The following RBMS3 variants were observed in gnomAD, a reference collection of about 807,000 sequenced individuals.
RBMS3 encodes RNA-binding motif, single-stranded-interacting protein 3.
A neutral mutation model predicts 66.8 loss-of-function variants in RBMS3; 27 were observed. That is an observed-to-expected ratio of 0.40 (90% confidence interval 0.30 to 0.56). RBMS3 has a LOEUF of 0.56. Ranked by LOEUF, RBMS3 falls within the 20% of genes least tolerant of loss-of-function variation. RBMS3 has a pLI of 0.40. For synonymous variants in RBMS3, 188 were observed against 183.0 expected (o/e 1.03, Z -0.22); for missense variants, 513 against 549.5 (o/e 0.93, Z 0.66).
chr3:29,488,849 A>G (rs2043421640), intron 3 of RBMS3, among the ~76,000 whole-genome samples: 1 of 152,214 alleles, frequency 6.6e-6, no homozygotes, highest in Non-Finnish European at 1.5e-5. Flanking sequence ...AAACTTCCCC[A>G]TGCAAAACAC....
intron 1 of RBMS3, among the ~76,000 whole-genome samples, chr3:29,317,083 T>A (rs1160005242): frequency 6.6e-6 from 1 of 151,700 alleles, no homozygotes; most frequent in Non-Finnish European, 1.5e-5. Context: ...ATAAAAGGAG[T>A]GTAGTAAAAA....
intron 6 of RBMS3, among the ~76,000 whole-genome samples, chr3:29,840,354 A>G (rs867569792): frequency 6.6e-6 from 1 of 152,222 alleles, no homozygotes; most frequent in African/African-American, 2.4e-5. Flanking sequence ...ACAACATTTT[A>G]TTAAAAACAA....
intron 3 of RBMS3, among the ~76,000 whole-genome samples, chr3:29,569,706 TA>T (rs968906321): frequency 6.6e-6 from 1 of 151,826 alleles, no homozygotes; most frequent in African/African-American, 2.4e-5. Flanking sequence ...AGTCTTTTTT[TA>T]AAAAAAAGAT....
At position 29,956,202 on chromosome 3, in the gene RBMS3, G is replaced by A. The variant is rs567592386; in HGVS notation, c.1098+11948G>A. ...CACTAGTCACAGTTCTTTGTAAGAT[G>A]TGTTTAATGGTGAGTGCTTGCTTTC... On this transcript the variant is annotated intron_variant, in intron 12 of 14. Transcript: ENST00000383767. Among the ~76,000 whole-genome samples, 18 of 152,152 alleles carry A rather than the reference G, an allele frequency of 1.2e-4. No individual in the cohort carries two copies. The East Asian group carries it at 3.3e-3, about 28-fold the overall frequency.
intron 1 of RBMS3, among the ~76,000 whole-genome samples, chr3:29,300,714 T>C (rs2033615827): frequency 6.6e-6 from 1 of 151,886 alleles, no homozygotes; most frequent in Admixed American, 6.6e-5. Flanking sequence ...TGATTATCAC[T>C]GCAAAAATTA....
chr3:29,445,744 A>G (rs1219724238), intron 2 of RBMS3, among the ~76,000 whole-genome samples: 1 of 152,148 alleles, frequency 6.6e-6, no homozygotes, highest in African/African-American at 2.4e-5. Context: ...ACAGTTAAAA[A>G]TTATCCTTAA....
intron 4 of RBMS3, among the ~76,000 whole-genome samples, chr3:29,678,405 T>C (rs1365812993): frequency 6.6e-6 from 1 of 152,168 alleles, no homozygotes; most frequent in Admixed American, 6.6e-5. Context: ...AAACTGATGG[T>C]ATTTTTCTTT....
chr3:29,594,677 A>T (rs2047881083), intron 4 of RBMS3, among the ~76,000 whole-genome samples: 1 of 152,148 alleles, frequency 6.6e-6, no homozygotes, highest in South Asian at 2.1e-4. Context: ...ATGTCTATAA[A>T]ATATTTGTGA....
chr3:29,963,555 C>A (rs1696622046), intron 12 of RBMS3, among the ~76,000 whole-genome samples: 1 of 152,100 alleles, frequency 6.6e-6, no homozygotes, highest in Admixed American at 6.5e-5. Context: ...TGGCTAAGCT[C>A]GGTGTCTCAT....
At chr3:29,514,746 C>CAT (rs1297126119) in intron 3 of RBMS3, among the ~76,000 whole-genome samples, 7 of 136,882 alleles carry the variant, frequency 5.1e-5, no homozygotes, top group Admixed American at 2.2e-4. Flanking sequence ...ATATGATAGG[C>CAT]ATATATATAT....
intron 6 of RBMS3, among the ~76,000 whole-genome samples, chr3:29,804,350 C>T (rs2057476829): frequency 6.6e-6 from 1 of 151,702 alleles, no homozygotes; most frequent in Non-Finnish European, 1.5e-5. Flanking sequence ...CAAAATAGGC[C>T]CAAATAATTT....
chr3:29,998,269 T>C (rs374755090), intron 14 of RBMS3, among the ~76,000 whole-genome samples: 1 of 151,964 alleles, frequency 6.6e-6, no homozygotes, highest in Non-Finnish European at 1.5e-5. Context: ...TAAAAGAGGA[T>C]ACAAACAAAT....
chr3:29,430,779 T>A (rs1435306048), intron 1 of RBMS3, among the ~76,000 whole-genome samples: 2 of 46,016 alleles, frequency 4.3e-5, no homozygotes, highest in East Asian at 2.3e-3. Flanking sequence ...TTTTAAAGGC[T>A]AAACAAAGTC....
At chr3:29,593,727 C>T (rs2047846469) in intron 4 of RBMS3, among the ~76,000 whole-genome samples, 2 of 152,204 alleles carry the variant, frequency 1.3e-5, no homozygotes, top group African/African-American at 4.8e-5. Flanking sequence ...ATCTCTCATT[C>T]TCCTACTTTC....
intron 2 of RBMS3, among the ~76,000 whole-genome samples, chr3:29,472,553 C>A (rs541246704): frequency 6.6e-6 from 1 of 151,726 alleles, no homozygotes; most frequent in Non-Finnish European, 1.5e-5. Context: ...CTTAAGGCGG[C>A]GCGTACCTTC....
chr3:29,345,494 C>T (rs2036522526), intron 1 of RBMS3, among the ~76,000 whole-genome samples: 1 of 152,106 alleles, frequency 6.6e-6, no homozygotes, highest in Non-Finnish European at 1.5e-5. Context: ...TTACCTAAAA[C>T]CTTAATTTTT....
In RBMS3 at chr3:29,492,190, T is replaced by C. The variant is rs144642663; in HGVS notation, c.307+3691T>C. On this transcript the variant is annotated intron_variant, in intron 3 of 14. Transcript: ENST00000383767. ...CAAGCACATCATGGGGGAGGTGCCCTGTAAGTCAGCAAATCATGATCAAAA... is the reference window on the plus strand; with the variant it reads ...CAAGCACATCATGGGGGAGGTGCCCCGTAAGTCAGCAAATCATGATCAAAA... Among the ~76,000 whole-genome samples, 13 of 152,268 alleles carry C rather than the reference T, an allele frequency of 8.5e-5. No homozygotes were observed. The East Asian group carries it at 2.5e-3, about 29-fold the overall frequency.
intron 4 of RBMS3, among the ~76,000 whole-genome samples, chr3:29,676,847 T>A (rs1437216084): frequency 6.6e-6 from 1 of 152,200 alleles, no homozygotes; most frequent in African/African-American, 2.4e-5. Context: ...TAGTTTTGTT[T>A]TGTAATTTCT....
chr3:29,601,974 T>C (rs2048160167), intron 4 of RBMS3, among the ~76,000 whole-genome samples: 1 of 152,026 alleles, frequency 6.6e-6, no homozygotes, highest in African/African-American at 2.4e-5. Flanking sequence ...GAAAGCAGCA[T>C]TTGTAGATTA....
Sources: gnomAD v4.1 joint callset for allele counts (sites outside exome capture counted in the v4.1 genomes callset) on GRCh38, gnomAD v4.1.1 for gene constraint, MANE v1.5 for transcripts, NCBI Gene and HGNC (gene_info 2026-07-23, HGNC 2026-07-21) for gene names.